UNC79: variants seen among roughly 807,000 people sequenced by gnomAD.
UNC79 encodes the protein protein unc-79 homolog.
UNC79 carries 37 observed loss-of-function variants against 283.1 expected under a neutral mutation model. The ratio of observed to expected loss-of-function variants is 0.13; its 90% CI spans 0.10 to 0.17. The LOEUF (loss-of-function observed/expected upper bound fraction) is 0.17. Ranked by LOEUF, UNC79 falls within the 10% of genes least tolerant of loss-of-function variation. UNC79 has a pLI of 1.00. For missense variants in UNC79, 2,272 were observed against 3,211.1 expected, an observed-to-expected ratio of 0.71 and a Z score of 7.07; for synonymous variants, 1,107 against 1,200.2, an observed-to-expected ratio of 0.92 and a Z score of 1.61.
At chr14:93,373,923 T>C (rs2054504850) in intron 1 of UNC79, among the ~76,000 whole-genome samples, 1 of 152,186 alleles carries the variant, frequency 6.6e-6, no homozygotes. Flanking sequence ...CTAAGTGGGA[T>C]TTATCCCAGG....
intron 26 of UNC79, among the ~76,000 whole-genome samples, chr14:93,611,764 G>A (rs1309954717): frequency 6.6e-6 from 1 of 151,996 alleles, no homozygotes; most frequent in African/African-American, 2.4e-5. Context: ...TGCAGAATGA[G>A]AGATGAGAAT....
intron 5 of UNC79, 63 bp downstream of exon 5, chr14:93,487,818 A>G: frequency 6.7e-7 from 1 of 1,495,146 alleles, no homozygotes; most frequent in Admixed American, 1.7e-5. Context: ...GACATCAAAC[A>G]AGCAGGCTAG....
intron 1 of UNC79, among the ~76,000 whole-genome samples, chr14:93,352,857 G>A (rs556906670): frequency 6.6e-6 from 1 of 152,306 alleles, no homozygotes; most frequent in East Asian, 1.9e-4. Flanking sequence ...AGTTGAAAAT[G>A]CATTTAATCC....
intron 2 of UNC79, among the ~76,000 whole-genome samples, chr14:93,468,522 A>C (rs1000966293): frequency 1.5e-4 from 23 of 152,214 alleles, no homozygotes; most frequent in African/African-American, 5.3e-4. Flanking sequence ...TCTCACTTCA[A>C]ATCTGATTTT....
At chr14:93,572,778 CCCT>C (rs1566678403) in exon 16 of UNC79, 2 of 1,614,076 alleles carry the variant, frequency 1.2e-6, no homozygotes, top group Non-Finnish European at 1.7e-6. Flanking sequence ...TACAGGATAC[CCCT>C]CCTCTGTGCA....
Position 93,459,053 on chromosome 14 carries a change from G to A in UNC79, c.23-8618G>A, listed in dbSNP as rs1049090951. ...TCACTCAAGGCTGCAGTGCCGTGGC[G>A]TGATCTCAGCTCACTGCAACCTCTG... On this transcript the variant is annotated intron_variant, in intron 1 of 48. Coordinates refer to ENST00000555664, the Ensembl canonical transcript of UNC79. 3.3e-5 allele frequency among the ~76,000 whole-genome samples: 5 copies of A among 152,184 alleles called. No individual in the cohort carries two copies. The South Asian group carries it at 6.2e-4, about 19-fold the overall frequency.
intron 24 of UNC79, 28 bp from the exon 25 acceptor site, chr14:93,600,541 T>C (rs1288350842): frequency 4.6e-6 from 7 of 1,531,940 alleles, no homozygotes; most frequent in Non-Finnish European, 6.2e-6. Context: ...TTTCTTCTTT[T>C]CTTTTTTTTT....
rs529455572 is a variant in UNC79, at chr14:93,590,318, G to A, written c.3033-3362G>A. On this transcript the variant is annotated intron_variant, in intron 22 of 48. Coordinates refer to ENST00000555664, the Ensembl canonical transcript of UNC79. ...TAGAAGTTTCTTCCCAAGAAAACAG[G>A]GATTCTACAGCTGCAGTGGGAGGAA... Among the ~76,000 whole-genome samples, 57 of 152,240 alleles carry A rather than the reference G, an allele frequency of 3.7e-4. 1 individual carries two copies. Among genetic ancestry groups the A allele is most frequent in the Non-Finnish European group, 3.8e-4 (26 of 68,008 alleles).
intron 35 of UNC79, 99 bp downstream of exon 38, chr14:93,646,745 C>A: frequency 2.2e-6 from 3 of 1,343,616 alleles, no homozygotes; most frequent in Non-Finnish European, 3.1e-6. Context: ...TGCAGTGGCT[C>A]GCGTCTGTAA....
At chr14:93,425,088 T>G (rs535242229) in intron 1 of UNC79, among the ~76,000 whole-genome samples, 3 of 152,202 alleles carry the variant, frequency 2.0e-5, no homozygotes, top group East Asian at 1.9e-4. Context: ...TGAGACTGGG[T>G]AATTTATAAA....
chr14:93,501,343 A>T (rs10135378), intron 7 of UNC79, among the ~76,000 whole-genome samples: 77,606 of 144,430 alleles, frequency 0.54, 20,454 homozygotes, highest in Admixed American at 0.63. Flanking sequence ...AAAATAAATT[A>T]AAAAAAAAAG....
chr14:93,564,109 G>C lies in UNC79; in HGVS notation c.1756-7785G>C, dbSNP rs143575493. On this transcript the variant is annotated intron_variant, in intron 14 of 48. Coordinates refer to ENST00000555664, the Ensembl canonical transcript of UNC79. ...TTCCCAGTCCTTGTGTAAGAATTCT[G>C]ACTGCACAGCCCTGCACTTCGGCTG... is the stretch of plus-strand genomic sequence containing the variant. Among the ~76,000 whole-genome samples the C allele has an allele frequency of 1.9e-3, 288 of 152,280 alleles. 1 individual carries two copies. Among genetic ancestry groups the C allele is most frequent in the African/African-American group, 6.4e-3 (266 of 41,550 alleles).
chr14:93,371,878 A>G (rs1313352989), intron 1 of UNC79, among the ~76,000 whole-genome samples: 1 of 152,178 alleles, frequency 6.6e-6, no homozygotes, highest in Admixed American at 6.5e-5. Context: ...CTTCTCAGAA[A>G]CCGTGCAAAC....
At chr14:93,394,208 G>T (rs545349984) in intron 1 of UNC79, among the ~76,000 whole-genome samples, 10 of 152,030 alleles carry the variant, frequency 6.6e-5, no homozygotes, top group African/African-American at 1.9e-4. Context: ...GCCCACTGAT[G>T]TTTCACACAC....
At position 93,621,092 on chromosome 14, in the gene UNC79, G is replaced by A. The variant is rs1246045552; in HGVS notation, c.4388-529G>A. ...TTATGCAGAAATGTTGTACTCTACCGTTTGTTTGGGGTGAAATCTTAATTT... is the reference window on the plus strand; with the variant it reads ...TTATGCAGAAATGTTGTACTCTACCATTTGTTTGGGGTGAAATCTTAATTT... On this transcript the variant is annotated intron_variant, in intron 29 of 48. Coordinates refer to ENST00000555664, the Ensembl canonical transcript of UNC79. This position sits in a 1 kb window ranked among gnomAD's most constrained non-coding sequence, Gnocchi z 4.8. 31 of 467,584 alleles carry A rather than the reference G, an allele frequency of 6.6e-5. No individual in the cohort carries two copies. In the Middle Eastern group the frequency reaches 1.0e-3, roughly 16 times the overall value. The allele number at this position is 467,584 out of a possible 1,614,324, so 29.0% of individuals were successfully genotyped here.
chr14:93,606,114 CT>C (rs2065874568), intron 26 of UNC79, among the ~76,000 whole-genome samples: 1 of 152,174 alleles, frequency 6.6e-6, no homozygotes, highest in Admixed American at 6.5e-5. Flanking sequence ...TCTAGCTTGT[CT>C]CTTTGTCTTA....
chr14:93,437,330 G>A (rs528412263), intron 1 of UNC79: 13 of 152,154 alleles, frequency 8.5e-5, no homozygotes, highest in African/African-American at 2.9e-4. Context: ...TGAGAGATGT[G>A]TTATTATACT....
intron 14 of UNC79, among the ~76,000 whole-genome samples, chr14:93,550,510 G>A (rs1453286917): frequency 7.1e-4 from 4 of 5,610 alleles, no homozygotes; most frequent in Non-Finnish European, 1.5e-3. Context: ...GCAAGACTCC[G>A]TATCAAAAAA....
At chr14:93,379,774 C>T (rs1050151216) in intron 1 of UNC79, among the ~76,000 whole-genome samples, 4 of 151,916 alleles carry the variant, frequency 2.6e-5, no homozygotes, top group Non-Finnish European at 2.9e-5. Context: ...GCTTGGGTGA[C>T]GGGTGCACCA....
Sources: allele counts gnomAD v4.1 joint callset (sites outside exome capture counted in the v4.1 genomes callset), GRCh38; gene constraint gnomAD v4.1.1; non-coding constraint Gnocchi (gnomAD v3.1); transcripts MANE v1.5; gene names NCBI Gene and HGNC (gene_info 2026-07-23, HGNC 2026-07-21).